SMYD3: variants seen among roughly 807,000 people sequenced by gnomAD.
SMYD3 encodes histone-lysine N-methyltransferase SMYD3.
Under a neutral mutation model 57.7 loss-of-function variants are expected in SMYD3, and 36 were observed. The observed-to-expected ratio is 0.62, with a 90% CI of 0.48 to 0.82. SMYD3 has a LOEUF of 0.82. SMYD3 is among the 40% of genes least tolerant of loss of function. SMYD3 has a pLI of 0.00. For missense variants in SMYD3, 515 were observed against 538.8 expected (o/e 0.96, Z 0.44); for synonymous variants, 211 against 195.0 (o/e 1.08, Z -0.68).
intron 5 of SMYD3, among the ~76,000 whole-genome samples, chr1:246,156,027 A>T (rs1470843161): frequency 1.3e-5 from 2 of 151,976 alleles, no homozygotes; most frequent in Non-Finnish European, 2.9e-5. Context: ...AATCACATTT[A>T]TCTTGAGCTA....
At chr1:246,381,383 T>G (rs2066382983) in intron 1 of SMYD3, among the ~76,000 whole-genome samples, 1 of 152,192 alleles carries the variant, frequency 6.6e-6, no homozygotes, top group African/African-American at 2.4e-5. Flanking sequence ...TTAACAGGTA[T>G]AAATGATAAA....
intron 5 of SMYD3, among the ~76,000 whole-genome samples, chr1:245,946,098 G>A (rs1435100455): frequency 6.6e-6 from 1 of 152,124 alleles, no homozygotes; most frequent in Non-Finnish European, 1.5e-5. Context: ...TGAACGTCCT[G>A]TACATGCACC....
At chr1:245,806,767 G>A (rs1401143845) in intron 10 of SMYD3, among the ~76,000 whole-genome samples, 11 of 151,092 alleles carry the variant, frequency 7.3e-5, no homozygotes, top group East Asian at 3.9e-4. Flanking sequence ...AAAATTAGCC[G>A]GGCGCGGTGG....
intron 5 of SMYD3, among the ~76,000 whole-genome samples, chr1:246,085,359 G>T (rs2060704686): frequency 6.6e-6 from 1 of 151,934 alleles, no homozygotes; most frequent in South Asian, 2.1e-4. Context: ...CCAAAATATG[G>T]TACTTTGGCA....
At chr1:245,779,576 A>T (rs2046750728) in intron 10 of SMYD3, among the ~76,000 whole-genome samples, 1 of 150,560 alleles carries the variant, frequency 6.6e-6, no homozygotes, top group African/African-American at 2.5e-5. Context: ...TAGAGCTCAA[A>T]TTACTCAAAT....
chr1:245,836,102 A>G (rs2050093844), intron 10 of SMYD3, among the ~76,000 whole-genome samples: 1 of 152,206 alleles, frequency 6.6e-6, no homozygotes, highest in South Asian at 2.1e-4. Flanking sequence ...AGATCGAAAA[A>G]TATCCTTTGG....
At chr1:245,948,005 C>T (rs1399903034) in intron 5 of SMYD3, among the ~76,000 whole-genome samples, 3 of 152,102 alleles carry the variant, frequency 2.0e-5, no homozygotes, top group Non-Finnish European at 1.5e-5. Context: ...TAGGTCCATC[C>T]GTGTTGTTCC....
At chr1:246,344,096 TG>T (rs1473199006) in intron 2 of SMYD3, among the ~76,000 whole-genome samples, 1 of 152,172 alleles carries the variant, frequency 6.6e-6, no homozygotes, top group Non-Finnish European at 1.5e-5. Flanking sequence ...TTGTCCAGGC[TG>T]GTCTCTAACT....
At chr1:246,293,565 T>C (rs2064736550) in intron 5 of SMYD3, among the ~76,000 whole-genome samples, 1 of 152,136 alleles carries the variant, frequency 6.6e-6, no homozygotes, top group Non-Finnish European at 1.5e-5. Flanking sequence ...CTAGTGAGAC[T>C]ACTCCAAGAA....
chr1:246,494,769 T>C (rs117882575), intron 1 of SMYD3, among the ~76,000 whole-genome samples: 1 of 152,322 alleles, frequency 6.6e-6, no homozygotes, highest in East Asian at 1.9e-4. Context: ...GTGAGAAACA[T>C]CTATCATAAC....
intron 5 of SMYD3, among the ~76,000 whole-genome samples, chr1:245,961,772 T>C (rs906942908): frequency 2.0e-5 from 3 of 152,138 alleles, no homozygotes; most frequent in Non-Finnish European, 4.4e-5. Flanking sequence ...CTTCGACACA[T>C]GTTACTATAA....
chr1:245,927,840 C>T, intron 7 of SMYD3, 91 bp downstream of exon 7: 2 of 943,856 alleles, frequency 2.1e-6, no homozygotes, highest in Non-Finnish European at 3.3e-6. Flanking sequence ...AAAAGTTGTC[C>T]CCTCAGGCAC....
chr1:246,291,036 TAAAAA>T (rs35794397), intron 5 of SMYD3, among the ~76,000 whole-genome samples: 1 of 148,236 alleles, frequency 6.7e-6, no homozygotes, highest in African/African-American at 2.5e-5. Context: ...TTAAGCGTGA[TAAAAA>T]AAAAAATACA....
intron 5 of SMYD3, among the ~76,000 whole-genome samples, chr1:246,324,383 C>T (rs2065303234): frequency 7.0e-6 from 1 of 143,214 alleles, no homozygotes; most frequent in African/African-American, 2.6e-5. Context: ...CCACTGCACC[C>T]TAGCCTGGGC....
Position 246,495,790 on chromosome 1 carries a change from TA to T in SMYD3, c.164+11263del, listed in dbSNP as rs1020241279. Among the ~76,000 whole-genome samples the T allele has an allele frequency of 1.0e-3, 139 of 139,498 alleles. 1 individual carries two copies. Among genetic ancestry groups the T allele is most frequent in the South Asian group, 2.3e-3 (10 of 4,380 alleles). The allele number at this position is 139,498 out of a possible 152,430, so 91.5% of individuals were successfully genotyped here. Reference sequence around the variant, plus strand: ...CCCCATCTCTACCAAAAATACCAAATAAAAAAAAAAAATTAGCCAGGGGTGG... The same window carrying T: ...CCCCATCTCTACCAAAAATACCAAATAAAAAAAAAAATTAGCCAGGGGTGG... On this transcript the variant is annotated intron_variant, in intron 1 of 11. Coordinates refer to ENST00000490107, the MANE Select transcript of SMYD3 (RefSeq NM_001167740.2).
rs1272553741 is a variant in SMYD3, at chr1:245,847,392, T to C, written c.1076+11104A>G. Among the ~76,000 whole-genome samples the C allele has an allele frequency of 2.6e-5, 4 of 152,266 alleles. No homozygotes were observed. In the East Asian group the frequency reaches 5.8e-4, roughly 22 times the overall value. On this transcript the variant is annotated intron_variant, in intron 10 of 11. Transcript: ENST00000490107. ...CCTTCGGGAGTTTCTGAAAACTCTATATGAACTTCACTCAAAATACACAAG... is the reference window on the plus strand; with the variant it reads ...CCTTCGGGAGTTTCTGAAAACTCTACATGAACTTCACTCAAAATACACAAG...
intron 8 of SMYD3, among the ~76,000 whole-genome samples, chr1:245,870,873 A>G (rs1047416251): frequency 9.2e-5 from 14 of 152,112 alleles, no homozygotes; most frequent in Non-Finnish European, 2.9e-5. Flanking sequence ...CAGCTCGAAC[A>G]CTTGAACAGA....
At chr1:245,981,172 C>A (rs955560131) in intron 5 of SMYD3, among the ~76,000 whole-genome samples, 14 of 152,196 alleles carry the variant, frequency 9.2e-5, no homozygotes, top group Non-Finnish European at 1.6e-4. Flanking sequence ...CTCAATAAGT[C>A]TGCAAAGAAT....
chr1:246,366,572 T>TAAA (rs71563785), intron 1 of SMYD3, among the ~76,000 whole-genome samples: 4 of 139,650 alleles, frequency 2.9e-5, no homozygotes, highest in African/African-American at 1.1e-4. Context: ...CTTTTTCTCT[T>TAAA]AAAAAAAAAA....
Sources: gnomAD v4.1 joint callset for allele counts (sites outside exome capture counted in the v4.1 genomes callset) on GRCh38, gnomAD v4.1.1 for gene constraint, MANE v1.5 for transcripts, NCBI Gene and HGNC (gene_info 2026-07-23, HGNC 2026-07-21) for gene names.